OR1A2: variants seen among roughly 807,000 people sequenced by gnomAD.
OR1A2 encodes the protein olfactory receptor family 1 subfamily A member 2, also known as olfactory receptor 1A2.
For missense variants in OR1A2, 354 were observed against 372.8 expected, an observed-to-expected ratio of 0.95 and a Z score of 0.42; for synonymous variants, 131 against 140.0, an observed-to-expected ratio of 0.94 and a Z score of 0.46.
rs1394239888 is a variant in OR1A2, at chr17:3,197,659, G to A, written c.141G>A (p.Leu47=). ...TGACTGGAAATCTGCTCATCATCTT[G>A]GCCATCTGTGCTGACATTCGCCTTC... The part of the protein sequence containing the change: ...ITLTGNLLII[L]AICADIRLHN... The change falls in exon 1 of 1, where the codon TTG becomes TTA. Residue 47 remains leucine, a synonymous_variant. Transcript: ENST00000381951. 3.7e-6 allele frequency: 6 copies of A among 1,604,958 alleles called. No homozygotes were observed. Among genetic ancestry groups the A allele is most frequent in the Non-Finnish European group, 5.1e-6 (6 of 1,176,344 alleles).
rs1217291960 is a variant in OR1A2, at chr17:3,198,254, G to A, written c.736G>A (p.Val246Ile). 2 of 1,614,126 alleles carry A rather than the reference G, an allele frequency of 1.2e-6. No individual in the cohort carries two copies. Among genetic ancestry groups the A allele is most frequent in the South Asian group, 1.1e-5 (1 of 91,076 alleles). Residue 246 changes from valine to isoleucine, a missense_variant, in exon 1 of 1, where the codon GTT (valine) becomes ATT (isoleucine). Physicochemically the swap from Val to Ile is conservative, Grantham distance 29. Transcript: ENST00000381951. ...AFCTCGSHLT[V>I]VFLYYGTTMG... The stretch of plus-strand genomic sequence containing the variant: ...CTGCACCTGTGGCTCCCACCTCACA[G>A]TTGTTTTTTTATATTATGGTACAAC...
In OR1A2 at chr17:3,197,780, G is replaced by A; in HGVS notation, c.262G>A (p.Gly88Arg). ...IPKVLANHLLGSKFISFGGCL... is the reference protein window; with the variant it reads ...IPKVLANHLLRSKFISFGGCL... ...TAAGGTGCTGGCCAACCATCTCTTG[G>A]GGAGCAAGTTCATCTCCTTTGGGGG... is the stretch of plus-strand genomic sequence containing the variant. The change falls in exon 1 of 1, where the codon GGG (glycine) becomes AGG (arginine). Residue 88 changes from glycine (G) to arginine (R), a missense_variant. Gly to Arg is a moderately radical substitution (Grantham distance 125). Coordinates refer to ENST00000381951, the MANE Select transcript of OR1A2 (RefSeq NM_012352.3). The A allele has an allele frequency of 6.2e-7, 1 of 1,600,006 alleles. No homozygotes were observed. The highest frequency in any genetic ancestry group is 1.1e-5 in the South Asian group (1 of 88,032).
chr17:3,197,731 C>T lies in OR1A2; in HGVS notation c.213C>T (p.Ile71=), dbSNP rs141816732. Residue 71 remains isoleucine, a synonymous_variant, in exon 1 of 1, where the codon ATC becomes ATT. Coordinates refer to ENST00000381951, the MANE Select transcript of OR1A2 (RefSeq NM_012352.3). ...FLLANLSLVD[I]IFSSVTIPKV... is the part of the protein sequence containing the mutation. ...TTGCCAACCTCTCCTTGGTTGACAT[C>T]ATCTTCTCATCCGTAACCATCCCTA... 1 of 1,585,548 alleles carries T rather than the reference C, an allele frequency of 6.3e-7. No individual in the cohort carries two copies. The highest frequency in any genetic ancestry group is 2.2e-5 in the East Asian group (1 of 44,780).
chr17:3,198,175 G>A lies in OR1A2; in HGVS notation c.657G>A (p.Gln219=). ...PLLCIIVSYV[Q]VFSTVFQVPS... The stretch of plus-strand genomic sequence containing the variant: ...TATGCATCATTGTCTCCTATGTTCA[G>A]GTCTTTTCCACAGTCTTCCAAGTTC... Residue 219 remains glutamine (Q), a synonymous_variant, in exon 1 of 1, where the codon CAG becomes CAA. Transcript: ENST00000381951. 1 of 1,612,728 alleles carries A rather than the reference G, an allele frequency of 6.2e-7. No individual in the cohort carries two copies. The highest frequency in any genetic ancestry group is 1.1e-5 in the South Asian group (1 of 90,916).
Position 3,197,938 on chromosome 17 carries a change from T to C in OR1A2, c.420T>C (p.Ser140=), listed in dbSNP as rs766844689. Residue 140 remains serine (S), a synonymous_variant, in exon 1 of 1, where the codon TCT becomes TCC. Transcript: ENST00000381951. ...LHYTTIMSPR[S]CILLIAGSWV... is the part of the protein sequence containing the mutation. The stretch of plus-strand genomic sequence containing the variant: ...ACACAACAATTATGAGTCCACGGTC[T>C]TGTATCCTGCTTATTGCTGGGTCTT... 1.5e-5 allele frequency: 24 copies of C among 1,614,040 alleles called. No homozygotes were observed. The South Asian group carries it at 2.5e-4, about 17-fold the overall frequency.
In OR1A2 at chr17:3,198,364, A is replaced by G; in HGVS notation, c.846A>G (p.Ala282=). 6.2e-7 allele frequency: 1 copy of G among 1,614,190 alleles called. No homozygotes were observed. Among genetic ancestry groups the G allele is most frequent in the Non-Finnish European group, 8.5e-7 (1 of 1,180,026 alleles). ...TGATGTATGTGGCAGTGACCCCAGCATTAAATCCTTTCATCTATAGTCTGA... is the reference window on the plus strand; with the variant it reads ...TGATGTATGTGGCAGTGACCCCAGCGTTAAATCCTTTCATCTATAGTCTGA... ...ITVMYVAVTP[A]LNPFIYSLRN... Residue 282 remains alanine (A), a synonymous_variant, in exon 1 of 1, where the codon GCA becomes GCG. Coordinates refer to ENST00000381951, the MANE Select transcript of OR1A2 (RefSeq NM_012352.3).
In OR1A2 at chr17:3,197,874, C is replaced by T. The variant is rs777274918; in HGVS notation, c.356C>T (p.Ala119Val). Residue 119 changes from alanine to valine, a missense_variant, in exon 1 of 1, where the codon GCA becomes GTA. Physicochemically the swap from Ala to Val is moderately conservative, Grantham distance 64. Transcript: ENST00000381951. The stretch of plus-strand genomic sequence containing the variant: ...GACAGCTATACCTTGGCTGCAATGG[C>T]ATACGATCGAGCTGTGGCCATCAGC... The part of the protein sequence containing the change: ...KADSYTLAAM[A>V]YDRAVAISCP... The T allele has an allele frequency of 3.0e-5, 49 of 1,612,584 alleles. No individual in the cohort carries two copies. The highest frequency in any genetic ancestry group is 3.8e-5 in the Non-Finnish European group (45 of 1,179,234).
In OR1A2 at chr17:3,198,369, A is replaced by C. The variant is rs779190470; in HGVS notation, c.851A>C (p.Asn284Thr). ...TATGTGGCAGTGACCCCAGCATTAA[A>C]TCCTTTCATCTATAGTCTGAGAAAT... ...VMYVAVTPAL[N>T]PFIYSLRNWD... The change falls in exon 1 of 1, where the codon AAT becomes ACT. Residue 284 changes from asparagine to threonine, a missense_variant. Coordinates refer to ENST00000381951, the MANE Select transcript of OR1A2 (RefSeq NM_012352.3). 1 of 1,614,136 alleles carries C rather than the reference A, an allele frequency of 6.2e-7. No individual in the cohort carries two copies. Among genetic ancestry groups the C allele is most frequent in the African/African-American group, 1.3e-5 (1 of 75,020 alleles).
Position 3,197,619 on chromosome 17 carries a change from T to C in OR1A2, c.101T>C (p.Ile34Thr), listed in dbSNP as rs113459720. 1 of 1,612,648 alleles carries C rather than the reference T, an allele frequency of 6.2e-7. No individual in the cohort carries two copies. Among genetic ancestry groups the C allele is most frequent in the Non-Finnish European group, 8.5e-7 (1 of 1,179,104 alleles). Residue 34 changes from isoleucine (I) to threonine (T), a missense_variant, in exon 1 of 1, where the codon ATT (isoleucine) becomes ACT (threonine). Physicochemically the swap from Ile to Thr is moderately conservative, Grantham distance 89 (BLOSUM62 -1). Coordinates refer to ENST00000381951, the MANE Select transcript of OR1A2 (RefSeq NM_012352.3). Reference protein sequence around the residue: ...NNVFFVIFLCIYPITLTGNLL... With the variant: ...NNVFFVIFLCTYPITLTGNLL... The stretch of plus-strand genomic sequence containing the variant: ...GTCTTCTTTGTGATTTTTTTGTGCA[T>C]TTACCCCATCACACTGACTGGAAAT...
At position 3,197,854 on chromosome 17, in the gene OR1A2, C is replaced by T. The variant is rs373344852; in HGVS notation, c.336C>T (p.Ser112=). The T allele has an allele frequency of 8.7e-6, 14 of 1,612,048 alleles. No individual in the cohort carries two copies. In the African/African-American group the frequency reaches 1.5e-4, roughly 17 times the overall value. The change falls in exon 1 of 1, where the codon AGC becomes AGT. Residue 112 remains serine (S), a synonymous_variant. Coordinates refer to ENST00000381951, the MANE Select transcript of OR1A2 (RefSeq NM_012352.3). ...YFMIALAKAD[S]YTLAAMAYDR... ...TGATAGCCTTGGCCAAGGCAGACAG[C>T]TATACCTTGGCTGCAATGGCATACG...
rs1212613630 is a variant in OR1A2, at chr17:3,198,065, C to T, written c.547C>T (p.Pro183Ser). 1 of 1,609,440 alleles carries T rather than the reference C, an allele frequency of 6.2e-7. No homozygotes were observed. The highest frequency in any genetic ancestry group is 8.5e-7 in the Non-Finnish European group (1 of 1,177,460). Reference sequence around the variant, plus strand: ...AGCCAATTTCTACTGTGACATTATGCCTTTGCTGAAGTTGTCCTGTTCTGA... The same window carrying T: ...AGCCAATTTCTACTGTGACATTATGTCTTTGCTGAAGTTGTCCTGTTCTGA... ...EVANFYCDIM[P>S]LLKLSCSDVH... The change falls in exon 1 of 1, where the codon CCT becomes TCT. Residue 183 changes from proline (P) to serine (S), a missense_variant. Transcript: ENST00000381951.
rs762040028 is a variant in OR1A2 at position 3,197,928 on chromosome 17, G to A, written c.410G>A (p.Ser137Asn). 3 of 1,614,054 alleles carry A rather than the reference G, an allele frequency of 1.9e-6. No individual in the cohort carries two copies. Among genetic ancestry groups the A allele is most frequent in the East Asian group, 2.2e-5 (1 of 44,864 alleles). Residue 137 changes from serine to asparagine, a missense_variant, in exon 1 of 1, where the codon AGT becomes AAT. Physicochemically the swap from Ser to Asn is conservative, Grantham distance 46 (BLOSUM62 1). Coordinates refer to ENST00000381951, the MANE Select transcript of OR1A2 (RefSeq NM_012352.3). ...SCPLHYTTIM[S>N]PRSCILLIAG... Reference sequence around the variant, plus strand: ...CCACTTCATTACACAACAATTATGAGTCCACGGTCTTGTATCCTGCTTATT... The same window carrying A: ...CCACTTCATTACACAACAATTATGAATCCACGGTCTTGTATCCTGCTTATT...
Position 3,197,625 on chromosome 17 carries a change from C to A in OR1A2, c.107C>A (p.Pro36His). 1 of 1,611,238 alleles carries A rather than the reference C, an allele frequency of 6.2e-7. No individual in the cohort carries two copies. The highest frequency in any genetic ancestry group is 8.5e-7 in the Non-Finnish European group (1 of 1,178,462). Residue 36 changes from proline (P) to histidine (H), a missense_variant, in exon 1 of 1, where the codon CCC (proline) becomes CAC (histidine). Pro to His is a moderately conservative substitution (Grantham distance 77, BLOSUM62 -2). Transcript: ENST00000381951. ...VFFVIFLCIYPITLTGNLLII... is the reference protein window; with the variant it reads ...VFFVIFLCIYHITLTGNLLII... ...TTTGTGATTTTTTTGTGCATTTACC[C>A]CATCACACTGACTGGAAATCTGCTC... is the stretch of plus-strand genomic sequence containing the variant.
At position 3,198,011 on chromosome 17, in the gene OR1A2, A is replaced by C; in HGVS notation, c.493A>C (p.Ser165Arg). The C allele has an allele frequency of 6.2e-7, 1 of 1,612,756 alleles. No homozygotes were observed. Among genetic ancestry groups the C allele is most frequent in the Non-Finnish European group, 8.5e-7 (1 of 1,179,210 alleles). ...TCTCCCCCACACTCTGCTCACAGCTAGTTTGTCCTTCTGTGGCAACCAGGA... is the reference window on the plus strand; with the variant it reads ...TCTCCCCCACACTCTGCTCACAGCTCGTTTGTCCTTCTGTGGCAACCAGGA... ...SALPHTLLTASLSFCGNQEVA... is the reference protein window; with the variant it reads ...SALPHTLLTARLSFCGNQEVA... Residue 165 changes from serine (S) to arginine (R), a missense_variant, in exon 1 of 1, where the codon AGT becomes CGT. Physicochemically the swap from Ser to Arg is moderately radical, Grantham distance 110. Transcript: ENST00000381951.
At position 3,197,955 on chromosome 17, in the gene OR1A2, C is replaced by T. The variant is rs142799936; in HGVS notation, c.437C>T (p.Ala146Val). 3 of 1,613,966 alleles carry T rather than the reference C, an allele frequency of 1.9e-6. No homozygotes were observed. In the African/African-American group the frequency reaches 4.0e-5, roughly 22 times the overall value. The stretch of plus-strand genomic sequence containing the variant: ...CCACGGTCTTGTATCCTGCTTATTG[C>T]TGGGTCTTGGGTGATTGGAAACACC... ...MSPRSCILLI[A>V]GSWVIGNTSA... Residue 146 changes from alanine (A) to valine (V), a missense_variant, in exon 1 of 1, where the codon GCT becomes GTT. Coordinates refer to ENST00000381951, the MANE Select transcript of OR1A2 (RefSeq NM_012352.3).
chr17:3,197,841 C>A lies in OR1A2; in HGVS notation c.323C>A (p.Ala108Asp). The A allele has an allele frequency of 6.2e-7, 1 of 1,611,136 alleles. No individual in the cohort carries two copies. The highest frequency in any genetic ancestry group is 1.1e-5 in the South Asian group (1 of 90,512). Reference sequence around the variant, plus strand: ...CAGATGTATTTCATGATAGCCTTGGCCAAGGCAGACAGCTATACCTTGGCT... The same window carrying A: ...CAGATGTATTTCATGATAGCCTTGGACAAGGCAGACAGCTATACCTTGGCT... ...LMQMYFMIALAKADSYTLAAM... is the reference protein window; with the variant it reads ...LMQMYFMIALDKADSYTLAAM... Residue 108 changes from alanine (A) to aspartate (D), a missense_variant, in exon 1 of 1, where the codon GCC becomes GAC. By Grantham distance (126) the Ala-to-Asp change is moderately radical (BLOSUM62 -2). Coordinates refer to ENST00000381951, the MANE Select transcript of OR1A2 (RefSeq NM_012352.3).
Position 3,198,266 on chromosome 17 carries a change from T to C in OR1A2, c.748T>C (p.Tyr250His). 1 of 1,614,160 alleles carries C rather than the reference T, an allele frequency of 6.2e-7. No homozygotes were observed. Among genetic ancestry groups the C allele is most frequent in the African/African-American group, 1.3e-5 (1 of 75,036 alleles). The stretch of plus-strand genomic sequence containing the variant: ...CTCCCACCTCACAGTTGTTTTTTTA[T>C]ATTATGGTACAACGATGGGCATGTA... ...CGSHLTVVFL[Y>H]YGTTMGMYFR... The change falls in exon 1 of 1, where the codon TAT (tyrosine) becomes CAT (histidine). Residue 250 changes from tyrosine to histidine, a missense_variant. Transcript: ENST00000381951.
rs1360107003 is a variant in OR1A2 at position 3,197,971 on chromosome 17, T to G, written c.453T>G (p.Ile151Met). ...TGCTTATTGCTGGGTCTTGGGTGAT[T>G]GGAAACACCAGTGCTCTCCCCCACA... ...CILLIAGSWV[I>M]GNTSALPHTL... Residue 151 changes from isoleucine (I) to methionine (M), a missense_variant, in exon 1 of 1, where the codon ATT (isoleucine) becomes ATG (methionine). Transcript: ENST00000381951. The G allele has an allele frequency of 9.3e-6, 15 of 1,613,994 alleles. No individual in the cohort carries two copies. Among genetic ancestry groups the G allele is most frequent in the African/African-American group, 1.3e-5 (1 of 74,916 alleles).
Position 3,198,083 on chromosome 17 carries a change from T to G in OR1A2, c.565T>G (p.Cys189Gly). ...CATTATGCCTTTGCTGAAGTTGTCC[T>G]GTTCTGACGTCCACTTTAATGTGAA... ...CDIMPLLKLS[C>G]SDVHFNVKMM... The change falls in exon 1 of 1, where the codon TGT (cysteine) becomes GGT (glycine). Residue 189 changes from cysteine (C) to glycine (G), a missense_variant. Transcript: ENST00000381951. The G allele has an allele frequency of 6.2e-7, 1 of 1,609,130 alleles. No individual in the cohort carries two copies. Among genetic ancestry groups the G allele is most frequent in the Non-Finnish European group, 8.5e-7 (1 of 1,177,726 alleles).
Sources: allele counts gnomAD v4.1 joint callset, GRCh38; gene constraint gnomAD v4.1.1; transcripts MANE v1.5; gene names NCBI Gene and HGNC (gene_info 2026-07-23, HGNC 2026-07-21).